PRKCE: variants seen among roughly 807,000 people sequenced by gnomAD.
The protein encoded by PRKCE is protein kinase C epsilon type.
In PRKCE, 16 loss-of-function variants were observed where a neutral mutation model predicts 85.4. The ratio of observed to expected loss-of-function variants is 0.19; its 90% CI spans 0.13 to 0.28. PRKCE has a LOEUF of 0.28. Ranked by LOEUF, PRKCE falls within the 10% of genes least tolerant of loss-of-function variation. The probability of loss-of-function intolerance (pLI) is 1.00; values close to 1 mark genes in which losing one functional copy is unlikely to be tolerated. For missense variants in PRKCE, 573 were observed against 975.2 expected (o/e 0.59, Z 5.49); for synonymous variants, 388 against 371.5 (o/e 1.04, Z -0.51).
chr2:46,101,813 G>T lies in PRKCE; in HGVS notation c.1592+15451G>T, dbSNP rs369769406. Reference sequence around the variant, plus strand: ...CATAGCAACACAGACAGAACCATAAGTTGGGACTCTAGTGTTTTGGTGGTG... The same window carrying T: ...CATAGCAACACAGACAGAACCATAATTTGGGACTCTAGTGTTTTGGTGGTG... On this transcript the variant is annotated intron_variant, in intron 11 of 14. Coordinates refer to ENST00000306156, the MANE Select transcript of PRKCE (RefSeq NM_005400.3). 1.5e-4 allele frequency among the ~76,000 whole-genome samples: 21 copies of T among 140,578 alleles called. No individual in the cohort carries two copies. The East Asian group carries it at 4.2e-3, about 28-fold the overall frequency. The allele number at this position is 140,578 out of a possible 152,430, so 92.2% of individuals were successfully genotyped here. A position where few individuals can be genotyped will look rare whatever the true frequency, so the allele number is the denominator to read the frequency against.
chr2:46,147,505 T>G (rs551582495), intron 12 of PRKCE, among the ~76,000 whole-genome samples: 1 of 152,324 alleles, frequency 6.6e-6, no homozygotes, highest in African/African-American at 2.4e-5. Flanking sequence ...TTGGTGAGAC[T>G]CACAATGAAC....
chr2:45,981,281 G>A (rs1702871858), intron 5 of PRKCE, among the ~76,000 whole-genome samples: 1 of 152,176 alleles, frequency 6.6e-6, no homozygotes, highest in Non-Finnish European at 1.5e-5. Flanking sequence ...TCTTAATTCT[G>A]GGGGAAATAA....
intron 1 of PRKCE, among the ~76,000 whole-genome samples, chr2:45,797,064 C>A (rs1372088892): frequency 6.6e-6 from 1 of 152,216 alleles, no homozygotes; most frequent in Non-Finnish European, 1.5e-5. Flanking sequence ...GTGTTTCAGA[C>A]AAAGCAGCTT....
chr2:45,734,171 C>A (rs970847773), intron 1 of PRKCE, among the ~76,000 whole-genome samples: 6 of 152,074 alleles, frequency 3.9e-5, no homozygotes, highest in Admixed American at 3.3e-4. Flanking sequence ...TTGAGACCAT[C>A]CTGGCCAACA....
chr2:45,719,552 G>A (rs1341544106), intron 1 of PRKCE, among the ~76,000 whole-genome samples: 2 of 152,172 alleles, frequency 1.3e-5, no homozygotes, highest in Non-Finnish European at 2.9e-5. Context: ...TGAGTGACTG[G>A]ATGGATAGTG....
At chr2:46,151,279 CTACACACA>C (rs761997716) in intron 13 of PRKCE, 50 bp downstream of exon 13, 4 of 1,010,624 alleles carry the variant, frequency 4.0e-6, no homozygotes, top group African/African-American at 2.5e-5. Flanking sequence ...GCTCCTCCCC[CTACACACA>C]CACACACACA....
intron 10 of PRKCE, among the ~76,000 whole-genome samples, chr2:46,067,872 G>A (rs1326336155): frequency 6.6e-6 from 1 of 152,178 alleles, no homozygotes; most frequent in Non-Finnish European, 1.5e-5. Flanking sequence ...TAAAAGTCAT[G>A]TGAATCTGGA....
chr2:45,930,924 G>A (rs1391866092), intron 2 of PRKCE, among the ~76,000 whole-genome samples: 1 of 152,156 alleles, frequency 6.6e-6, no homozygotes, highest in Non-Finnish European at 1.5e-5. Context: ...TGTATGCCGG[G>A]TTTAGGAGAA....
At chr2:45,714,982 G>A (rs978820062) in intron 1 of PRKCE, among the ~76,000 whole-genome samples, 7 of 152,170 alleles carry the variant, frequency 4.6e-5, no homozygotes, top group Non-Finnish European at 7.4e-5. Flanking sequence ...TCAGGTTTCC[G>A]GCATCTGCAG....
intron 1 of PRKCE, among the ~76,000 whole-genome samples, chr2:45,684,858 A>G (rs1478272217): frequency 2.0e-5 from 3 of 152,174 alleles, no homozygotes; most frequent in Admixed American, 1.3e-4. Context: ...TAATTTGCAA[A>G]TAGGATCTGT....
At chr2:45,737,354 C>T (rs971945193) in intron 1 of PRKCE, among the ~76,000 whole-genome samples, 1 of 152,208 alleles carries the variant, frequency 6.6e-6, no homozygotes, top group Non-Finnish European at 1.5e-5. Flanking sequence ...CCCACCCTGC[C>T]TGAAGCCAGG....
intron 14 of PRKCE, among the ~76,000 whole-genome samples, chr2:46,183,821 G>A (rs1232460421): frequency 6.6e-6 from 1 of 152,214 alleles, no homozygotes; most frequent in African/African-American, 2.4e-5. Context: ...CTAAAGCGAT[G>A]TGTTCTACAC....
intron 1 of PRKCE, among the ~76,000 whole-genome samples, chr2:45,694,749 AG>A (rs551077489): frequency 5.3e-5 from 8 of 152,328 alleles, no homozygotes; most frequent in Admixed American, 3.3e-4. Flanking sequence ...ATATGCTGGA[AG>A]CAATGTGGTG....
intron 2 of PRKCE, among the ~76,000 whole-genome samples, chr2:45,939,134 A>G (rs1699696328): frequency 6.6e-6 from 1 of 152,168 alleles, no homozygotes; most frequent in Non-Finnish European, 1.5e-5. Context: ...CCAAAACCAA[A>G]CATTATACAT....
intron 2 of PRKCE, among the ~76,000 whole-genome samples, chr2:45,975,840 T>C (rs1490796117): frequency 6.6e-6 from 1 of 152,184 alleles, no homozygotes; most frequent in Non-Finnish European, 1.5e-5. Context: ...CCCTCTCCTT[T>C]TGACCTCTGG....
At chr2:46,135,984 C>T (rs933166071) in intron 11 of PRKCE, among the ~76,000 whole-genome samples, 1 of 151,768 alleles carries the variant, frequency 6.6e-6, no homozygotes, top group Non-Finnish European at 1.5e-5. Flanking sequence ...GTGCTGGTAC[C>T]ATCTGCCAGA....
chr2:45,689,250 G>A (rs992800166), intron 1 of PRKCE, among the ~76,000 whole-genome samples: 16 of 152,172 alleles, frequency 1.1e-4, no homozygotes, highest in South Asian at 2.1e-4. Flanking sequence ...ATATAAGTGA[G>A]ATAAAGAACA....
chr2:46,109,649 A>G (rs1672071981), intron 11 of PRKCE, among the ~76,000 whole-genome samples: 1 of 152,118 alleles, frequency 6.6e-6, no homozygotes, highest in Non-Finnish European at 1.5e-5. Flanking sequence ...ATATGTGAAT[A>G]AAGACAATTT....
chr2:45,652,427 G>A lies in PRKCE; in HGVS notation c.327G>A (p.Gly109=). Residue 109 remains glycine, a synonymous_variant, in exon 1 of 15, where the codon GGG becomes GGA. Coordinates refer to ENST00000306156, the MANE Select transcript of PRKCE (RefSeq NM_005400.3). The surrounding 1 kb of genome is among the most constrained non-coding windows in gnomAD (Gnocchi z 7.7). ...AGTTTGAGGAGCTGCTGCAGAACGGGAGCCGCCACTTCGAGGACTGGGTGA... is the reference window on the plus strand; with the variant it reads ...AGTTTGAGGAGCTGCTGCAGAACGGAAGCCGCCACTTCGAGGACTGGGTGA... ...TIQFEELLQN[G]SRHFEDWIDL... 6.2e-7 allele frequency: 1 copy of A among 1,606,072 alleles called. No homozygotes were observed. The highest frequency in any genetic ancestry group is 8.5e-7 in the Non-Finnish European group (1 of 1,178,454).
Sources: gnomAD v4.1 joint callset for allele counts (sites outside exome capture counted in the v4.1 genomes callset) on GRCh38, gnomAD v4.1.1 for gene constraint, Gnocchi (gnomAD v3.1) non-coding constraint, MANE v1.5 for transcripts, NCBI Gene and HGNC (gene_info 2026-07-23, HGNC 2026-07-21) for gene names.